RTN1: variants seen among roughly 807,000 people sequenced by gnomAD.
RTN1 encodes reticulon 1, also known as reticulon-1.
In RTN1, 25 loss-of-function variants were observed where a neutral mutation model predicts 65.5. The observed-to-expected ratio is 0.38, with a 90% CI of 0.28 to 0.53. The LOEUF (loss-of-function observed/expected upper bound fraction) is 0.53, where lower values mean the gene tolerates loss of function less well. Ranked by LOEUF, RTN1 falls within the 20% of genes least tolerant of loss-of-function variation. The pLI is 0.79. For missense variants in RTN1, 983 were observed against 1,025.4 expected, an observed-to-expected ratio of 0.96 and a Z score of 0.57; for synonymous variants, 471 against 447.6, an observed-to-expected ratio of 1.05 and a Z score of -0.66.
rs543514608 is a variant in RTN1, at chr14:59,870,678, C to G, written c.-48G>C. 2.3e-6 allele frequency: 3 copies of G among 1,317,072 alleles called. No homozygotes were observed. Among genetic ancestry groups the G allele is most frequent in the African/African-American group, 1.5e-5 (1 of 64,556 alleles). The allele number at this position is 1,317,072 out of a possible 1,614,324, so 81.6% of individuals were successfully genotyped here. ...CGACGGCGGCTTGGCTGGGCAGAGGCTCGGTGGCTGCGCGGGCGCTCCCTG... is the reference window on the plus strand; with the variant it reads ...CGACGGCGGCTTGGCTGGGCAGAGGGTCGGTGGCTGCGCGGGCGCTCCCTG... On this transcript the variant is annotated 5_prime_UTR_variant, in exon 1 of 9. Transcript: ENST00000267484. This position sits in a 1 kb window ranked among gnomAD's most constrained non-coding sequence, Gnocchi z 5.1.
In RTN1 at chr14:59,749,481, CTATA is replaced by C. The variant is rs1358344216; in HGVS notation, c.242-3004_242-3001del. Among the ~76,000 whole-genome samples the C allele has an allele frequency of 2.7e-4, 18 of 66,130 alleles. 3 individuals are homozygous for C. The highest frequency in any genetic ancestry group is 1.4e-3 in the Admixed American group (5 of 3,606). 43.4% of individuals were successfully genotyped at this position (66,130 alleles called of 152,430 possible). A position where few individuals can be genotyped will look rare whatever the true frequency, so the allele number is the denominator to read the frequency against. ...ATATATATCTAATCTATCTATATAT[CTATA>C]TATATCTATATATATCTATATATAG... On this transcript the variant is annotated intron_variant, in intron 1 of 8. Coordinates refer to ENST00000267484, the MANE Select transcript of RTN1 (RefSeq NM_021136.3).
At chr14:59,604,057 A>C in intron 5 of RTN1, 136 bp from the exon 6 acceptor site, 1 of 552,166 alleles carries the variant, frequency 1.8e-6, no homozygotes, top group Admixed American at 2.7e-5. Flanking sequence ...AGGCGTTGAA[A>C]GCTCATCACA....
intron 3 of RTN1, among the ~76,000 whole-genome samples, chr14:59,723,475 G>A (rs1003367322): frequency 7.3e-5 from 11 of 151,326 alleles, no homozygotes; most frequent in East Asian, 1.9e-4. Context: ...TTAGCCGGGC[G>A]TGGTGGTGGT....
At chr14:59,729,390 T>G (rs1211978953) in intron 2 of RTN1, among the ~76,000 whole-genome samples, 2 of 152,184 alleles carry the variant, frequency 1.3e-5, no homozygotes, top group Admixed American at 1.3e-4. Context: ...TCCCCCCCTT[T>G]TTTAGTAACT....
chr14:59,676,906 G>C (rs546060245), intron 3 of RTN1, among the ~76,000 whole-genome samples: 1 of 152,320 alleles, frequency 6.6e-6, no homozygotes, highest in East Asian at 1.9e-4. Flanking sequence ...TTCTCTAAGA[G>C]GTATGATGGT....
chr14:59,735,463 A>G (rs1884983862), intron 2 of RTN1, among the ~76,000 whole-genome samples: 1 of 152,170 alleles, frequency 6.6e-6, no homozygotes, highest in Admixed American at 6.5e-5. Flanking sequence ...AAGAACCAAG[A>G]CCCATTAGTA....
chr14:59,782,476 T>C (rs1004268128), intron 1 of RTN1, among the ~76,000 whole-genome samples: 2 of 152,226 alleles, frequency 1.3e-5, no homozygotes, highest in African/African-American at 4.8e-5. Context: ...TCTGCCAATT[T>C]AGATAGTGCA....
intron 3 of RTN1, among the ~76,000 whole-genome samples, chr14:59,717,756 A>G (rs1884567206): frequency 6.6e-6 from 1 of 152,182 alleles, no homozygotes; most frequent in Admixed American, 6.5e-5. Context: ...ACTTACCCAC[A>G]AGAACCATTT....
At chr14:59,837,460 A>G (rs1166878222) in intron 1 of RTN1, among the ~76,000 whole-genome samples, 1 of 152,120 alleles carries the variant, frequency 6.6e-6, no homozygotes, top group African/African-American at 2.4e-5. Flanking sequence ...ACACACCCAC[A>G]TACGATAATA....
At position 59,603,674 on chromosome 14, in the gene RTN1, A is replaced by G. The variant is rs563850166; in HGVS notation, c.2182+178T>C. Reference sequence around the variant, plus strand: ...AGACTTAGGAATTCATTATTAGTGTATAATATATATTATACTCTTTAATTG... The same window carrying G: ...AGACTTAGGAATTCATTATTAGTGTGTAATATATATTATACTCTTTAATTG... On this transcript the variant is annotated intron_variant, in intron 6 of 8. Transcript: ENST00000267484. The G allele has an allele frequency of 1.2e-5, 5 of 406,562 alleles. No homozygotes were observed. In the East Asian group the frequency reaches 1.9e-4, roughly 15 times the overall value. The allele number at this position is 406,562 out of a possible 1,614,324, so 25.2% of individuals were successfully genotyped here.
At chr14:59,663,355 C>T (rs757967559) in intron 3 of RTN1, among the ~76,000 whole-genome samples, 3 of 152,000 alleles carry the variant, frequency 2.0e-5, no homozygotes, top group Non-Finnish European at 4.4e-5. Flanking sequence ...AAGACTTAAA[C>T]ATAAGACCTA....
chr14:59,799,719 C>T (rs895686287), intron 1 of RTN1, among the ~76,000 whole-genome samples: 7 of 152,128 alleles, frequency 4.6e-5, no homozygotes, highest in East Asian at 1.9e-4. Flanking sequence ...GCATTCAGGT[C>T]GTGACCAGGT....
chr14:59,869,317 C>T (rs1389750353), intron 1 of RTN1, among the ~76,000 whole-genome samples: 2 of 151,926 alleles, frequency 1.3e-5, no homozygotes, highest in Non-Finnish European at 2.9e-5. Flanking sequence ...ACCCCCCACC[C>T]CAGGCCTTCT....
intron 1 of RTN1, among the ~76,000 whole-genome samples, chr14:59,748,349 C>T (rs570557430): frequency 3.3e-5 from 5 of 151,968 alleles, no homozygotes; most frequent in African/African-American, 1.2e-4. Flanking sequence ...AAGCCTCTTC[C>T]CTGTTCTAGC....
At chr14:59,835,246 A>T (rs2139646079) in intron 1 of RTN1, among the ~76,000 whole-genome samples, 1 of 152,032 alleles carries the variant, frequency 6.6e-6, no homozygotes, top group South Asian at 2.1e-4. Context: ...AAGAAGCTAG[A>T]CAAAAAAAAA....
intron 1 of RTN1, among the ~76,000 whole-genome samples, chr14:59,797,542 A>G (rs1467546081): frequency 6.6e-6 from 1 of 152,070 alleles, no homozygotes; most frequent in African/African-American, 2.4e-5. Flanking sequence ...TAAAAAGAAT[A>G]CTCCAGGGAT....
intron 1 of RTN1, among the ~76,000 whole-genome samples, chr14:59,828,152 A>G (rs1197749454): frequency 1.3e-5 from 2 of 152,234 alleles, no homozygotes; most frequent in Admixed American, 1.3e-4. Flanking sequence ...TGACACTGAC[A>G]TTCCCTCGTG....
chr14:59,679,516 G>A (rs912314925), intron 3 of RTN1, among the ~76,000 whole-genome samples: 1 of 152,142 alleles, frequency 6.6e-6, no homozygotes, highest in Non-Finnish European at 1.5e-5. Context: ...TATAGTACTA[G>A]TCATAGGTAC....
chr14:59,861,545 A>G (rs184794555), intron 1 of RTN1, among the ~76,000 whole-genome samples: 1 of 152,374 alleles, frequency 6.6e-6, no homozygotes, highest in African/African-American at 2.4e-5. Context: ...TAAACATCTT[A>G]GTGTAACTAA....
Sources: allele counts gnomAD v4.1 joint callset (sites outside exome capture counted in the v4.1 genomes callset), GRCh38; gene constraint gnomAD v4.1.1; non-coding constraint Gnocchi (gnomAD v3.1); transcripts MANE v1.5; gene names NCBI Gene and HGNC (gene_info 2026-07-23, HGNC 2026-07-21).